The following MTDH variants were observed in gnomAD, a reference collection of about 807,000 sequenced individuals.
MTDH encodes protein LYRIC.
MTDH carries 34 observed loss-of-function variants against 72.7 expected under a neutral mutation model. The ratio of observed to expected loss-of-function variants is 0.47; its 90% CI spans 0.36 to 0.62. MTDH has a LOEUF of 0.62. Among genes scored for constraint, MTDH ranks in the 20% least tolerant of loss-of-function variants. The probability of loss-of-function intolerance (pLI) is 0.00; values close to 1 mark genes in which losing one functional copy is unlikely to be tolerated. For synonymous variants in MTDH, 266 were observed against 268.9 expected (o/e 0.99, Z 0.10); for missense variants, 677 against 699.4 (o/e 0.97, Z 0.36).
At chr8:97,723,580 A>G (rs1199520467) in intron 11 of MTDH, among the ~76,000 whole-genome samples, 1 of 149,760 alleles carries the variant, frequency 6.7e-6, no homozygotes, top group East Asian at 2.0e-4. Context: ...CGTCTCTACT[A>G]AAAATACAAC....
chr8:97,709,328 G>C (rs1301035328), intron 8 of MTDH, among the ~76,000 whole-genome samples: 2 of 121,716 alleles, frequency 1.6e-5, no homozygotes, highest in Non-Finnish European at 3.3e-5. Flanking sequence ...CTACAAAAAG[G>C]CTTCTTAGAA....
chr8:97,708,110 G>A (rs1188854397), intron 8 of MTDH, among the ~76,000 whole-genome samples: 1 of 151,746 alleles, frequency 6.6e-6, no homozygotes, highest in Non-Finnish European at 1.5e-5. Context: ...TGGGATTACA[G>A]GCACCTGCCA....
intron 1 of MTDH, 143 bp from the exon 2 acceptor site, chr8:97,660,929 A>G: frequency 4.7e-6 from 2 of 428,836 alleles, no homozygotes; most frequent in Middle Eastern, 4.0e-4. Flanking sequence ...ATCAACTCTT[A>G]GATAACATTG....
chr8:97,672,309 T>TGG (rs1324642607), intron 2 of MTDH, among the ~76,000 whole-genome samples: 2 of 152,190 alleles, frequency 1.3e-5, no homozygotes, highest in African/African-American at 4.8e-5. Context: ...TCCCCCTTCC[T>TGG]GAACCTATTA....
intron 3 of MTDH, among the ~76,000 whole-genome samples, chr8:97,687,048 C>T (rs181814973): frequency 1.5e-4 from 23 of 151,978 alleles, no homozygotes; most frequent in Admixed American, 1.4e-3. Flanking sequence ...TTTGTTTTTC[C>T]CCCGTGGTTC....
intron 2 of MTDH, among the ~76,000 whole-genome samples, chr8:97,681,491 CT>C (rs35262209): frequency 0.065 from 7,082 of 108,750 alleles, 123 homozygotes; most frequent in African/African-American, 0.081. Flanking sequence ...AGAATTTTTT[CT>C]TTTTTTTTTT....
intron 2 of MTDH, among the ~76,000 whole-genome samples, chr8:97,686,106 C>G (rs1813352077): frequency 6.6e-6 from 1 of 152,142 alleles, no homozygotes; most frequent in Non-Finnish European, 1.5e-5. Context: ...GTACAATTGA[C>G]TCATTAATTT....
At chr8:97,651,246 A>G (rs1247312166) in intron 1 of MTDH, among the ~76,000 whole-genome samples, 1 of 152,206 alleles carries the variant, frequency 6.6e-6, no homozygotes, top group African/African-American at 2.4e-5. Context: ...AAAGACATTT[A>G]ATTTAATTGA....
At position 97,644,600 on chromosome 8, in the gene MTDH, C is replaced by A; in HGVS notation, c.94C>A (p.Leu32Met). 1 of 1,609,410 alleles carries A rather than the reference C, an allele frequency of 6.2e-7. No individual in the cohort carries two copies. The highest frequency in any genetic ancestry group is 8.5e-7 in the Non-Finnish European group (1 of 1,179,242). The change falls in exon 1 of 12, where the codon CTG becomes ATG. Residue 32 changes from leucine (L) to methionine (M), a missense_variant. Physicochemically the swap from Leu to Met is conservative, Grantham distance 15. Coordinates refer to ENST00000336273, the MANE Select transcript of MTDH (RefSeq NM_178812.4). ...REMLSVGLGF[L>M]RTELGLDLGL... is the part of the protein sequence containing the mutation. ...AATGCTCTCGGTCGGCCTAGGCTTT[C>A]TGCGCACCGAGCTGGGCCTCGACCT...
chr8:97,683,226 G>C (rs144973829), intron 2 of MTDH, among the ~76,000 whole-genome samples: 2,727 of 150,652 alleles, frequency 0.018, 42 homozygotes, highest in African/African-American at 0.037. Context: ...CACCACACCT[G>C]GCTAATTTTT....
At chr8:97,665,364 T>C (rs1375142487) in intron 2 of MTDH, among the ~76,000 whole-genome samples, 1 of 152,200 alleles carries the variant, frequency 6.6e-6, no homozygotes, top group Admixed American at 6.5e-5. Flanking sequence ...TCATTAGTAC[T>C]AGTCTCTAGT....
chr8:97,688,196 C>T (rs538258574), intron 4 of MTDH, among the ~76,000 whole-genome samples: 2 of 152,212 alleles, frequency 1.3e-5, no homozygotes, highest in African/African-American at 4.8e-5. Context: ...AAATTACCGT[C>T]ATTTTTACCC....
At chr8:97,721,862 C>A (rs1436072875) in intron 10 of MTDH, among the ~76,000 whole-genome samples, 2 of 152,182 alleles carry the variant, frequency 1.3e-5, no homozygotes, top group African/African-American at 4.8e-5. Context: ...GGATAAAACA[C>A]TGAAAATTTG....
At chr8:97,675,550 ACT>A (rs1431654024) in intron 2 of MTDH, among the ~76,000 whole-genome samples, 3 of 135,258 alleles carry the variant, frequency 2.2e-5, no homozygotes, top group Non-Finnish European at 3.1e-5. Context: ...ACAGAGCAAG[ACT>A]CTGTCTCAAA....
chr8:97,656,760 G>C (rs1811994755), intron 1 of MTDH, among the ~76,000 whole-genome samples: 1 of 151,700 alleles, frequency 6.6e-6, no homozygotes, highest in African/African-American at 2.4e-5. Context: ...AGCACTTTGG[G>C]AGGCTGAGGC....
intron 7 of MTDH, among the ~76,000 whole-genome samples, chr8:97,701,322 T>C (rs1222255067): frequency 6.6e-6 from 1 of 152,178 alleles, no homozygotes; most frequent in Admixed American, 6.5e-5. Context: ...AACCTACATA[T>C]GTCTTCCCAT....
chr8:97,713,808 C>T (rs375623514), intron 9 of MTDH, 39 bp downstream of exon 9: 33 of 1,225,736 alleles, frequency 2.7e-5, no homozygotes, highest in African/African-American at 1.5e-4. Context: ...TAAGCGCCTC[C>T]GGCTTAAAAT....
At chr8:97,664,744 T>C (rs1455697051) in intron 2 of MTDH, among the ~76,000 whole-genome samples, 5 of 151,898 alleles carry the variant, frequency 3.3e-5, no homozygotes, top group African/African-American at 9.7e-5. Flanking sequence ...TTCTTTTCCT[T>C]CCTTCCTTCT....
intron 2 of MTDH, 26 bp from the exon 3 acceptor site, chr8:97,686,638 ATATT>A (rs1484379506): frequency 7.1e-7 from 1 of 1,412,588 alleles, no homozygotes; most frequent in South Asian, 1.4e-5. Context: ...ACATAACAAA[ATATT>A]AAGTAACATT....
Sources: gnomAD v4.1 joint callset for allele counts (sites outside exome capture counted in the v4.1 genomes callset) on GRCh38, gnomAD v4.1.1 for gene constraint, MANE v1.5 for transcripts, NCBI Gene and HGNC (gene_info 2026-07-23, HGNC 2026-07-21) for gene names.